Variants in NEU3 observed in about 807,000 individuals in gnomAD.
NEU3 encodes the protein sialidase-3.
Under a neutral mutation model 11.4 loss-of-function variants are expected in NEU3, and 10 were observed. That is an observed-to-expected ratio of 0.88 (90% CI 0.54 to 1.49). The LOEUF is 1.49. NEU3 is among the 40% of genes most tolerant of loss of function. The pLI, the probability that NEU3 is intolerant of heterozygous loss-of-function variation, is 0.00. For synonymous variants in NEU3, 212 were observed against 228.2 expected (o/e 0.93, Z 0.64); for missense variants, 529 against 581.8 (o/e 0.91, Z 0.93).
intron 1 of NEU3, among the ~76,000 whole-genome samples, chr11:74,990,512 A>G (rs1057235159): frequency 1.3e-5 from 2 of 152,110 alleles, no homozygotes; most frequent in Non-Finnish European, 2.9e-5. Flanking sequence ...GGATGCCACC[A>G]TGCCTGGCCA....
rs753890800 is a variant in NEU3 at position 75,005,909 on chromosome 11, C to T, written c.803C>T (p.Ala268Val). The change falls in exon 3 of 3, where the codon GCT (alanine) becomes GTT (valine). Residue 268 changes from alanine (A) to valine (V), a missense_variant. Physicochemically the swap from Ala to Val is moderately conservative, Grantham distance 64 (BLOSUM62 0). Transcript: ENST00000294064. ...GAAGTGGCAGAGGTGACTGGGAGGG[C>T]TGGCCACCCTGTGCTATATTGCAGT... Reference protein sequence around the residue: ...ECEVAEVTGRAGHPVLYCSAR... With the variant: ...ECEVAEVTGRVGHPVLYCSAR... 6.2e-7 allele frequency: 1 copy of T among 1,613,422 alleles called. No individual in the cohort carries two copies. Among genetic ancestry groups the T allele is most frequent in the Non-Finnish European group, 8.5e-7 (1 of 1,179,840 alleles).
chr11:74,995,126 A>G (rs964019633), intron 2 of NEU3: 1 of 474,864 alleles, frequency 2.1e-6, no homozygotes, highest in African/African-American at 1.9e-5. Flanking sequence ...ATCCTCATAA[A>G]TCACCCAGGG....
chr11:74,980,884 A>G, the NEU3 span, among the ~76,000 whole-genome samples: 1 of 152,250 alleles, frequency 6.6e-6, no homozygotes, highest in Admixed American at 6.5e-5. Flanking sequence ...CTTCCTCTAT[A>G]GGCAGCAGGT....
chr11:74,988,518 A>G (rs1948692216), upstream of NEU3: 1 of 155,038 alleles, frequency 6.5e-6, no homozygotes, highest in African/African-American at 2.4e-5. Flanking sequence ...TATATATATG[A>G]ATATATTTTC....
At chr11:74,990,467 C>G (rs1948718341) in intron 1 of NEU3, among the ~76,000 whole-genome samples, 2 of 152,158 alleles carry the variant, frequency 1.3e-5, no homozygotes, top group African/African-American at 4.8e-5. Flanking sequence ...AGTGATTCTC[C>G]TGCCTCAGCC....
upstream of NEU3, chr11:74,988,930 G>C (rs968128076): frequency 5.5e-6 from 4 of 726,130 alleles, no homozygotes; most frequent in South Asian, 1.6e-5. Context: ...ACCTGTTTCC[G>C]GCAGTCGACA....
chr11:75,007,865 T>C lies in NEU3; in HGVS notation c.*1373T>C, dbSNP rs923388528. Reference sequence around the variant, plus strand: ...TAGGAGTCTAATGCTTAAACTGGTATCAACTAAATATATTTGGTGTTGTAC... The same window carrying C: ...TAGGAGTCTAATGCTTAAACTGGTACCAACTAAATATATTTGGTGTTGTAC... On this transcript the variant is annotated 3_prime_UTR_variant, in exon 3 of 3. Coordinates refer to ENST00000294064, the MANE Select transcript of NEU3 (RefSeq NM_006656.6). 1 of 152,158 alleles carries C rather than the reference T, an allele frequency of 6.6e-6. No individual in the cohort carries two copies. The highest frequency in any genetic ancestry group is 1.5e-5 in the Non-Finnish European group (1 of 68,018). The allele number at this position is 152,158 out of a possible 1,614,324, so 9.4% of individuals were successfully genotyped here.
Position 75,001,285 on chromosome 11 carries a change from C to CT in NEU3, c.307-4114dup, listed in dbSNP as rs775188864. Among the ~76,000 whole-genome samples, 949 of 129,990 alleles carry CT rather than the reference C, an allele frequency of 7.3e-3. 4 individuals are homozygous for CT. Among genetic ancestry groups the CT allele is most frequent in the African/African-American group, 0.011 (385 of 35,604 alleles). The allele number at this position is 129,990 out of a possible 152,430, so 85.3% of individuals were successfully genotyped here. On this transcript the variant is annotated intron_variant, in intron 2 of 2. Transcript: ENST00000294064. The stretch of plus-strand genomic sequence containing the variant: ...TTGTTTTTCTTTTTCTTTTTTTTTT[C>CT]TTTTTTTTTTTTTTGAGATGGAGTC...
chr11:75,006,238 A>G lies in NEU3; in HGVS notation c.1132A>G (p.Ile378Val). The change falls in exon 3 of 3, where the codon ATC (isoleucine) becomes GTC (valine). Residue 378 changes from isoleucine to valine, a missense_variant. Ile to Val is a conservative substitution (Grantham distance 29). Coordinates refer to ENST00000294064, the MANE Select transcript of NEU3 (RefSeq NM_006656.6). ...TAGGAAACAGAGGGTTGACCTAGGT[A>G]TCTATCTCAACCAGACCCCCTTGGA... is the stretch of plus-strand genomic sequence containing the variant. ...TSRKQRVDLGIYLNQTPLEAA... is the reference protein window; with the variant it reads ...TSRKQRVDLGVYLNQTPLEAA... 1.2e-6 allele frequency: 2 copies of G among 1,613,996 alleles called. No homozygotes were observed. The highest frequency in any genetic ancestry group is 1.1e-5 in the South Asian group (1 of 91,082).
chr11:74,982,590 G>A, the NEU3 span, among the ~76,000 whole-genome samples: 1 of 152,084 alleles, frequency 6.6e-6, no homozygotes, highest in East Asian at 1.9e-4. Context: ...CCCATCTTTG[G>A]GGAAGGGAGG....
At chr11:74,994,268 A>T (rs1948762542) in intron 1 of NEU3, among the ~76,000 whole-genome samples, 1 of 152,238 alleles carries the variant, frequency 6.6e-6, no homozygotes, top group South Asian at 2.1e-4. Flanking sequence ...TACATACTTG[A>T]TACAGGCCAC....
the NEU3 span, among the ~76,000 whole-genome samples, chr11:74,981,298 C>G: frequency 6.6e-6 from 1 of 152,196 alleles, no homozygotes; most frequent in African/African-American, 2.4e-5. Flanking sequence ...AGGTGACCCA[C>G]TGGAGAAAGA....
rs764687850 is a variant in NEU3 at position 74,989,027 on chromosome 11, C to T, written c.-34C>T. 2.7e-6 allele frequency: 4 copies of T among 1,508,402 alleles called. No homozygotes were observed. The highest frequency in any genetic ancestry group is 2.8e-5 in the African/African-American group (2 of 72,144). The allele number at this position is 1,508,402 out of a possible 1,614,324, so 93.4% of individuals were successfully genotyped here. On this transcript the variant is annotated 5_prime_UTR_variant, in exon 1 of 3. Transcript: ENST00000294064. ...TCCTCCTCTGTCTCAGTCTCCCCAG[C>T]CTTGGGGCCGGTGCCTCTTCCGGGC...
At chr11:74,993,387 G>A (rs960571858) in intron 1 of NEU3, among the ~76,000 whole-genome samples, 5 of 152,110 alleles carry the variant, frequency 3.3e-5, no homozygotes, top group Non-Finnish European at 7.4e-5. Flanking sequence ...TGTATTTTTA[G>A]TAGAGATGGG....
Position 75,010,312 on chromosome 11 carries a change from C to G in NEU3, c.*3820C>G, listed in dbSNP as rs931855765. The G allele has an allele frequency of 1.3e-5, 2 of 152,222 alleles. No individual in the cohort carries two copies. The highest frequency in any genetic ancestry group is 2.9e-5 in the Non-Finnish European group (2 of 68,054). The allele number at this position is 152,222 out of a possible 1,614,324, so 9.4% of individuals were successfully genotyped here. On this transcript the variant is annotated 3_prime_UTR_variant, in exon 3 of 3. Coordinates refer to ENST00000294064, the MANE Select transcript of NEU3 (RefSeq NM_006656.6). ...AAGGTAAGGACTATGTCTGATTCCTCTCTTTGTCCTCTGCACCCAGCGTAG... is the reference window on the plus strand; with the variant it reads ...AAGGTAAGGACTATGTCTGATTCCTGTCTTTGTCCTCTGCACCCAGCGTAG...
At chr11:75,005,266 G>A (rs1008551582) in intron 2 of NEU3, 147 bp from the exon 3 acceptor site, 45 of 811,936 alleles carry the variant, frequency 5.5e-5, no homozygotes, top group Admixed American at 2.8e-4. Flanking sequence ...TGTAATATCC[G>A]AGAATTTAGT....
chr11:75,003,753 G>C (rs1188291300), intron 2 of NEU3, among the ~76,000 whole-genome samples: 1 of 152,086 alleles, frequency 6.6e-6, no homozygotes, highest in Non-Finnish European at 1.5e-5. Context: ...AGCTGGACGT[G>C]GTGGTGCAAG....
chr11:74,983,815 ACT>A (rs1240913398), upstream of NEU3, among the ~76,000 whole-genome samples: 6 of 152,342 alleles, frequency 3.9e-5, no homozygotes, highest in African/African-American at 1.4e-4. Context: ...AATACATCCC[ACT>A]GTGACTGGAT....
At chr11:74,994,810 AC>A in intron 2 of NEU3, 90 bp downstream of exon 2, 1 of 1,220,460 alleles carries the variant, frequency 8.2e-7, no homozygotes, top group East Asian at 2.4e-5. Flanking sequence ...TCTCATCAGT[AC>A]AGGAAAGCCC....
Sources: gnomAD v4.1 joint callset for allele counts (sites outside exome capture counted in the v4.1 genomes callset) on GRCh38, gnomAD v4.1.1 for gene constraint, MANE v1.5 for transcripts, NCBI Gene and HGNC (gene_info 2026-07-23, HGNC 2026-07-21) for gene names.